The following KCNK10 variants were observed in gnomAD, a reference collection of about 807,000 sequenced individuals.
KCNK10 encodes the protein potassium two pore domain channel subfamily K member 10.
Under a neutral mutation model 47.7 loss-of-function variants are expected in KCNK10, and 25 were observed. That is an observed-to-expected ratio of 0.52 (90% confidence interval 0.38 to 0.73). The LOEUF is 0.73. KCNK10 is among the 30% of genes least tolerant of loss of function. KCNK10 has a pLI of 0.00. For synonymous variants in KCNK10, 303 were observed against 285.6 expected (o/e 1.06, Z -0.61); for missense variants, 563 against 714.5 (o/e 0.79, Z 2.42).
At chr14:88,264,121 T>C (rs1004926284) in intron 1 of KCNK10, among the ~76,000 whole-genome samples, 8 of 152,212 alleles carry the variant, frequency 5.3e-5, no homozygotes, top group Non-Finnish European at 8.8e-5. Flanking sequence ...GCATAACCAC[T>C]CCTGATCTAC....
At chr14:88,267,069 T>C (rs535663943) in intron 1 of KCNK10, among the ~76,000 whole-genome samples, 3 of 152,262 alleles carry the variant, frequency 2.0e-5, no homozygotes, top group Non-Finnish European at 4.4e-5. Flanking sequence ...AGTGACAGCA[T>C]GACCTCGAAA....
At chr14:88,192,098 C>T in intron 5 of KCNK10, 126 bp downstream of exon 5, 2 of 837,486 alleles carry the variant, frequency 2.4e-6, no homozygotes, top group Non-Finnish European at 3.7e-6. Context: ...CTCTTCACAG[C>T]AGTAGTGACA....
At chr14:88,279,618 T>C (rs1298315092) in intron 1 of KCNK10, among the ~76,000 whole-genome samples, 1 of 152,044 alleles carries the variant, frequency 6.6e-6, no homozygotes, top group Non-Finnish European at 1.5e-5. Flanking sequence ...TTTTCTGAAA[T>C]TCAAATTTAA....
chr14:88,245,922 G>A lies in KCNK10; in HGVS notation c.403-5102C>T, dbSNP rs1233332726. On this transcript the variant is annotated intron_variant, in intron 2 of 6. Coordinates refer to ENST00000319231, the MANE Select transcript of KCNK10 (RefSeq NM_138317.3). ...AACAGACTGTTTGTCTCTCGAGAAA[G>A]GACTTCATCTGAGGGTACAATGGTG... Among the ~76,000 whole-genome samples, 3 of 152,172 alleles carry A rather than the reference G, an allele frequency of 2.0e-5. No individual in the cohort carries two copies. In the East Asian group the frequency reaches 5.8e-4, roughly 29 times the overall value.
chr14:88,213,750 AC>A (rs1268976831), intron 4 of KCNK10, among the ~76,000 whole-genome samples: 1 of 150,950 alleles, frequency 6.6e-6, no homozygotes, highest in Non-Finnish European at 1.5e-5. Context: ...CTTAGGGAAA[AC>A]CAGCCAAATC....
At chr14:88,209,541 C>T (rs1209035263) in intron 4 of KCNK10, among the ~76,000 whole-genome samples, 1 of 152,248 alleles carries the variant, frequency 6.6e-6, no homozygotes, top group African/African-American at 2.4e-5. Context: ...GTTTGCCTTT[C>T]GAAAGGGCTC....
rs1444985879 is a variant in KCNK10, at chr14:88,185,009, T to C, written c.*526A>G. On this transcript the variant is annotated 3_prime_UTR_variant, in exon 7 of 7. Transcript: ENST00000319231. This position sits in a 1 kb window ranked among gnomAD's most constrained non-coding sequence, Gnocchi z 4.3. ...TCCCCACAGACATTCATTTGGAGCA[T>C]AGAAAGACTAGGTATGATGCACTGA... The C allele has an allele frequency of 1.3e-5, 2 of 154,718 alleles. No individual in the cohort carries two copies. Among genetic ancestry groups the C allele is most frequent in the Non-Finnish European group, 2.9e-5 (2 of 69,328 alleles). 9.6% of individuals were successfully genotyped at this position (154,718 alleles called of 1,614,324 possible).
At chr14:88,241,863 C>A (rs867606689) in intron 2 of KCNK10, among the ~76,000 whole-genome samples, 2 of 152,170 alleles carry the variant, frequency 1.3e-5, no homozygotes, top group South Asian at 2.1e-4. Flanking sequence ...TCATCACGAG[C>A]AGGAGAAGGT....
At chr14:88,244,487 T>C (rs1886570872) in intron 2 of KCNK10, among the ~76,000 whole-genome samples, 1 of 152,018 alleles carries the variant, frequency 6.6e-6, no homozygotes, top group Non-Finnish European at 1.5e-5. Context: ...CCTAACATGG[T>C]GAAACCCCAT....
chr14:88,247,126 T>G (rs971025242), intron 2 of KCNK10, among the ~76,000 whole-genome samples: 2 of 152,202 alleles, frequency 1.3e-5, no homozygotes, highest in African/African-American at 2.4e-5. Flanking sequence ...TTCACCATCC[T>G]GAACTCTGCA....
At chr14:88,246,964 A>C (rs1886661389) in intron 2 of KCNK10, among the ~76,000 whole-genome samples, 1 of 152,174 alleles carries the variant, frequency 6.6e-6, no homozygotes, top group South Asian at 2.1e-4. Flanking sequence ...AGTACAGATT[A>C]ACTCAGCCCT....
chr14:88,240,760 T>C lies in KCNK10; in HGVS notation c.463A>G (p.Ser155Gly). The C allele has an allele frequency of 6.2e-7, 1 of 1,613,936 alleles. No individual in the cohort carries two copies. Among genetic ancestry groups the C allele is most frequent in the Non-Finnish European group, 8.5e-7 (1 of 1,179,850 alleles). The change falls in exon 3 of 7, where the codon AGC becomes GGC. Residue 155 changes from serine to glycine, a missense_variant. Transcript: ENST00000319231. Reference protein sequence around the residue: ...SPIGNSSNNSSHWDLGSAFFF... With the variant: ...SPIGNSSNNSGHWDLGSAFFF... ...AAGGCACTGCCGAGGTCCCAGTGGC[T>C]GCTGTTGTTGGAAGAGTTTCCTATT...
At chr14:88,299,456 G>A (rs780285181) in intron 1 of KCNK10, among the ~76,000 whole-genome samples, 1 of 152,160 alleles carries the variant, frequency 6.6e-6, no homozygotes, top group Non-Finnish European at 1.5e-5. Flanking sequence ...TCCATCACAA[G>A]GGCTTGCACA....
intron 1 of KCNK10, among the ~76,000 whole-genome samples, chr14:88,302,803 T>G (rs1888130256): frequency 6.6e-6 from 1 of 152,054 alleles, no homozygotes; most frequent in South Asian, 2.1e-4. Context: ...AAGGATGGGG[T>G]GGCTGGCTGT....
At chr14:88,284,524 TGA>T (rs1226183646) in intron 1 of KCNK10, among the ~76,000 whole-genome samples, 2 of 152,100 alleles carry the variant, frequency 1.3e-5, no homozygotes, top group Non-Finnish European at 2.9e-5. Flanking sequence ...GCCAAAAGTC[TGA>T]GAGCCCCTGG....
intron 2 of KCNK10, among the ~76,000 whole-genome samples, chr14:88,242,306 A>T (rs1886501897): frequency 6.6e-6 from 1 of 152,194 alleles, no homozygotes; most frequent in Non-Finnish European, 1.5e-5. Flanking sequence ...TTTTCCATAA[A>T]GGGTCAGATA....
At chr14:88,308,617 G>A (rs934391501) in intron 1 of KCNK10, among the ~76,000 whole-genome samples, 3 of 152,216 alleles carry the variant, frequency 2.0e-5, no homozygotes, top group African/African-American at 4.8e-5. Context: ...CTCATGCAAC[G>A]TGTACTCAAG....
chr14:88,310,272 A>C (rs1888300805), intron 1 of KCNK10, among the ~76,000 whole-genome samples: 1 of 56,142 alleles, frequency 1.8e-5, no homozygotes, highest in African/African-American at 9.0e-5. Context: ...GTATATCATA[A>C]TTACTTGATG....
At chr14:88,219,220 T>G (rs531785635) in intron 4 of KCNK10, among the ~76,000 whole-genome samples, 1 of 152,202 alleles carries the variant, frequency 6.6e-6, no homozygotes, top group African/African-American at 2.4e-5. Flanking sequence ...GACCCAGGAG[T>G]GCATCTTAGA....
Sources: allele counts gnomAD v4.1 joint callset (sites outside exome capture counted in the v4.1 genomes callset), GRCh38; gene constraint gnomAD v4.1.1; non-coding constraint Gnocchi (gnomAD v3.1); transcripts MANE v1.5; gene names NCBI Gene and HGNC (gene_info 2026-07-23, HGNC 2026-07-21).